CSF2RA: variants seen among roughly 807,000 people sequenced by gnomAD.
CSF2RA encodes granulocyte-macrophage colony-stimulating factor receptor subunit alpha.
Under a neutral mutation model 51.6 loss-of-function variants are expected in CSF2RA, and 42 were observed. The observed-to-expected ratio is 0.81, with a 90% CI of 0.64 to 1.05. The LOEUF (loss-of-function observed/expected upper bound fraction) is 1.05, where lower values mean the gene tolerates loss of function less well. Ranked by LOEUF, CSF2RA falls within the 50% of genes least tolerant of loss-of-function variation. CSF2RA has a pLI of 0.00. For missense variants in CSF2RA, 530 were observed against 501.1 expected (o/e 1.06, Z -0.55); for synonymous variants, 222 against 193.0 (o/e 1.15, Z -1.24).
At chrX:1,285,706 A>G (rs2090556120) in intron 3 of CSF2RA, 72 bp from the exon 4 acceptor site, 1 of 802,430 alleles carries the variant, frequency 1.2e-6, no homozygotes, top group African/African-American at 2.2e-5. Flanking sequence ...CGTCTCAAAA[A>G]AAAAAAAAAA....
the CSF2RA span, among the ~76,000 whole-genome samples, chrX:1,318,916 C>CAAAA: frequency 7.3e-6 from 1 of 137,342 alleles, no homozygotes; most frequent in Non-Finnish European, 1.6e-5. Flanking sequence ...GACTCCATCT[C>CAAAA]AAAAAAAAAA....
the CSF2RA span, among the ~76,000 whole-genome samples, chrX:1,323,158 T>TAAA: frequency 3.0e-4 from 40 of 134,020 alleles, no homozygotes; most frequent in African/African-American, 1.2e-3. Flanking sequence ...ACATTACAAT[T>TAAA]ATAAAATAAA....
In CSF2RA at chrX:1,300,575, G is replaced by A. The variant is rs1329429342; in HGVS notation, c.895G>A (p.Ala299Thr). 1.2e-6 allele frequency: 2 copies of A among 1,613,918 alleles called. No individual in the cohort carries two copies. Among genetic ancestry groups the A allele is most frequent in the Non-Finnish European group, 1.7e-6 (2 of 1,179,860 alleles). Residue 299 changes from alanine to threonine, a missense_variant, in exon 10 of 13, where the codon GCA becomes ACA. Physicochemically the swap from Ala to Thr is moderately conservative, Grantham distance 58. Transcript: ENST00000381529. ...AAAACACAGTGTGAAGATCAGAGCT[G>A]CAGACGTCCGCATCTTGAATTGGAG... ...RAKHSVKIRA[A>T]DVRILNWSSW...
At chrX:1,303,478 G>T in intron 10 of CSF2RA, 1 of 456,986 alleles carries the variant, frequency 2.2e-6, no homozygotes, top group Non-Finnish European at 3.9e-6. Flanking sequence ...GACCTCAGAT[G>T]ATGCGCCCGC....
chrX:1,278,543 C>G (rs2089493291), intron 2 of CSF2RA, among the ~76,000 whole-genome samples: 1 of 142,704 alleles, frequency 7.0e-6, no homozygotes, highest in Non-Finnish European at 1.5e-5. Context: ...AAAAATTAGC[C>G]AGGCGTGTTG....
chrX:1,294,287 A>T, intron 7 of CSF2RA, 41 bp from the exon 8 acceptor site: 1 of 1,611,908 alleles, frequency 6.2e-7, no homozygotes, highest in African/African-American at 1.3e-5. Flanking sequence ...TGTAGACAGG[A>T]CCTCTCGGGT....
intron 2 of CSF2RA, among the ~76,000 whole-genome samples, chrX:1,281,192 CCTCCTTCTCCTA>C (rs1424319370): frequency 1.2e-5 from 1 of 83,186 alleles, no homozygotes; most frequent in Non-Finnish European, 2.8e-5. Context: ...TTCTCCTTCT[CCTCCTTCTCCTA>C]CTCCTCCTTC....
At chrX:1,289,700 G>GT (rs1195126352) in intron 6 of CSF2RA, among the ~76,000 whole-genome samples, 1 of 129,990 alleles carries the variant, frequency 7.7e-6, no homozygotes, top group African/African-American at 3.0e-5. Flanking sequence ...TTTGTTTTGT[G>GT]TTTTTTTGTT....
chrX:1,291,082 C>T (rs1463613362), intron 7 of CSF2RA, among the ~76,000 whole-genome samples: 3 of 151,912 alleles, frequency 2.0e-5, no homozygotes, highest in Non-Finnish European at 4.4e-5. Flanking sequence ...CCACCACGCT[C>T]GGCTAATTTT....
At chrX:1,316,260 TG>T in the CSF2RA span, among the ~76,000 whole-genome samples, 10 of 94,260 alleles carry the variant, frequency 1.1e-4, no homozygotes, top group South Asian at 2.4e-3. Flanking sequence ...ATTAGATAGA[TG>T]ATAGATAGAT....
intron 9 of CSF2RA, among the ~76,000 whole-genome samples, chrX:1,299,973 T>A (rs2092262481): frequency 1.3e-5 from 2 of 150,996 alleles, no homozygotes; most frequent in Non-Finnish European, 3.0e-5. Context: ...ATCCCAGCAC[T>A]TTGTGAGGCC....
intron 12 of CSF2RA, among the ~76,000 whole-genome samples, chrX:1,307,303 CT>C (rs2083672686): frequency 6.6e-6 from 1 of 152,194 alleles, no homozygotes; most frequent in Admixed American, 6.6e-5. Context: ...ACCAGGCCCA[CT>C]CTTCTCCTTT....
chrX:1,307,476 AGAC>A (rs1468565678), intron 12 of CSF2RA, among the ~76,000 whole-genome samples: 3 of 149,478 alleles, frequency 2.0e-5, no homozygotes, highest in African/African-American at 7.5e-5. Context: ...CTTACCCTTT[AGAC>A]TTTCAACTGA....
chrX:1,312,880 G>C (rs2084246691), downstream of CSF2RA, among the ~76,000 whole-genome samples: 2 of 152,000 alleles, frequency 1.3e-5, no homozygotes, highest in Admixed American at 1.3e-4. Context: ...CTGACCTTTT[G>C]ATTCACAAGT....
At chrX:1,304,967 G>A (rs2083410448) in intron 11 of CSF2RA, among the ~76,000 whole-genome samples, 3 of 149,804 alleles carry the variant, frequency 2.0e-5, no homozygotes, top group Admixed American at 1.3e-4. Context: ...GCCTGGCCTA[G>A]TTCCTTAAGA....
At chrX:1,285,487 A>T (rs1242075290) in intron 3 of CSF2RA, among the ~76,000 whole-genome samples, 1 of 151,342 alleles carries the variant, frequency 6.6e-6, no homozygotes. Context: ...TGAGGTCGGC[A>T]GTTCGAGACC....
At chrX:1,287,986 C>T (rs1399283383) in intron 4 of CSF2RA, among the ~76,000 whole-genome samples, 3 of 151,218 alleles carry the variant, frequency 2.0e-5, no homozygotes, top group African/African-American at 7.3e-5. Context: ...ATCCACCCGC[C>T]TTGGCCTCCC....
At chrX:1,317,170 G>C in the CSF2RA span, among the ~76,000 whole-genome samples, 5 of 148,306 alleles carry the variant, frequency 3.4e-5, no homozygotes, top group Non-Finnish European at 1.5e-5. Flanking sequence ...GGATGGTCTC[G>C]AACTCCTGAC....
chrX:1,301,719 C>G (rs1330230186), intron 10 of CSF2RA, among the ~76,000 whole-genome samples: 1 of 150,564 alleles, frequency 6.6e-6, no homozygotes, highest in Non-Finnish European at 1.5e-5. Flanking sequence ...GCCTCAGCCT[C>G]CCCAGTAGCT....
Sources: gnomAD v4.1 joint callset for allele counts (sites outside exome capture counted in the v4.1 genomes callset) on GRCh38, gnomAD v4.1.1 for gene constraint, MANE v1.5 for transcripts, NCBI Gene and HGNC (gene_info 2026-07-23, HGNC 2026-07-21) for gene names.